Variants in LDLRAD4 observed in about 807,000 individuals in gnomAD.
LDLRAD4 encodes low-density lipoprotein receptor class A domain-containing protein 4.
In LDLRAD4, 5 loss-of-function variants were observed where a neutral mutation model predicts 17.0. The observed-to-expected ratio is 0.29, with a 90% CI of 0.15 to 0.62. The LOEUF is 0.62. Ranked by LOEUF, LDLRAD4 falls within the 20% of genes least tolerant of loss-of-function variation. The pLI is 0.84. For synonymous variants in LDLRAD4, 168 were observed against 171.8 expected (o/e 0.98, Z 0.17); for missense variants, 340 against 424.7 (o/e 0.80, Z 1.75).
rs1200042823 is a variant in LDLRAD4, at chr18:13,290,235, AAG to A, written c.-383+12050_-383+12051del. On this transcript the variant is annotated intron_variant, in intron 1 of 5. Transcript: ENST00000359446. ...CTCAGTGCCTTGATCCTTGAAGAGG[AAG>A]AGGGGCTGGGGATTCCTTCCTGTCC... Among the ~76,000 whole-genome samples the A allele has an allele frequency of 5.3e-5, 8 of 152,304 alleles. No individual in the cohort carries two copies. The East Asian group carries it at 1.5e-3, about 29-fold the overall frequency.
chr18:13,458,504 G>A (rs1600477508), intron 3 of LDLRAD4, among the ~76,000 whole-genome samples: 2 of 152,174 alleles, frequency 1.3e-5, no homozygotes, highest in South Asian at 4.1e-4. Flanking sequence ...GCAACTCTGC[G>A]CCTATTTTGA....
At chr18:13,376,676 G>C (rs1446753927) in intron 1 of LDLRAD4, among the ~76,000 whole-genome samples, 1 of 152,182 alleles carries the variant, frequency 6.6e-6, no homozygotes, top group Non-Finnish European at 1.5e-5. Context: ...TGCTGTGGAA[G>C]ACTGCTCTAT....
intron 1 of LDLRAD4, among the ~76,000 whole-genome samples, chr18:13,242,745 G>A (rs139508322): frequency 6.6e-6 from 1 of 152,290 alleles, no homozygotes; most frequent in Admixed American, 6.5e-5. Context: ...TAACCATCAC[G>A]TCAATAGGGT....
chr18:13,545,443 A>G (rs1338792363), intron 3 of LDLRAD4, among the ~76,000 whole-genome samples: 1 of 152,124 alleles, frequency 6.6e-6, no homozygotes, highest in African/African-American at 2.4e-5. Context: ...ATGATCAAAT[A>G]TGAAGTTTGC....
chr18:13,418,322 C>G (rs1351433724), intron 2 of LDLRAD4, among the ~76,000 whole-genome samples: 7 of 152,242 alleles, frequency 4.6e-5, no homozygotes, highest in Non-Finnish European at 8.8e-5. Flanking sequence ...TTATAGGGAG[C>G]CTCTCATGGT....
intron 1 of LDLRAD4, among the ~76,000 whole-genome samples, chr18:13,231,654 C>G (rs938132611): frequency 3.9e-5 from 6 of 152,180 alleles, no homozygotes; most frequent in African/African-American, 1.4e-4. Context: ...ATTCAGTTCA[C>G]GACAGGAAGC....
At chr18:13,229,882 T>A (rs2041987791) in intron 1 of LDLRAD4, among the ~76,000 whole-genome samples, 1 of 152,228 alleles carries the variant, frequency 6.6e-6, no homozygotes, top group African/African-American at 2.4e-5. Flanking sequence ...GAGGAAGATG[T>A]GAGTAGACCT....
chr18:13,575,354 C>G lies in LDLRAD4; in HGVS notation c.182-45763C>G, dbSNP rs562352139. Among the ~76,000 whole-genome samples the G allele has an allele frequency of 1.1e-3, 161 of 152,324 alleles. 1 individual carries two copies. The highest frequency in any genetic ancestry group is 3.6e-3 in the African/African-American group (150 of 41,558). ...GGTTTTCCATTCCTGAGTTACTTCA[C>G]TTAGAATAATAGTCTCCATCCAGGT... On this transcript the variant is annotated intron_variant, in intron 3 of 5. Transcript: ENST00000359446.
At chr18:13,448,780 A>G (rs62085727) in intron 3 of LDLRAD4, among the ~76,000 whole-genome samples, 12,020 of 152,214 alleles carry the variant, frequency 0.079, 529 homozygotes, top group South Asian at 0.19. Flanking sequence ...CCAAAAGGGT[A>G]CTACGGTGAA....
intron 1 of LDLRAD4, among the ~76,000 whole-genome samples, chr18:13,321,931 A>G (rs2081268485): frequency 7.1e-6 from 1 of 141,678 alleles, no homozygotes; most frequent in Non-Finnish European, 1.5e-5. Context: ...AAGAATAAAC[A>G]CACAGACTTA....
chr18:13,503,183 G>T (rs911295813), intron 3 of LDLRAD4, among the ~76,000 whole-genome samples: 1 of 152,216 alleles, frequency 6.6e-6, no homozygotes, highest in Non-Finnish European at 1.5e-5. Flanking sequence ...GGCATTTAAC[G>T]TTTTAAGCTT....
intron 3 of LDLRAD4, among the ~76,000 whole-genome samples, chr18:13,468,847 T>A (rs2092694072): frequency 9.2e-6 from 1 of 108,964 alleles, no homozygotes; most frequent in Non-Finnish European, 1.8e-5. Flanking sequence ...CCGGGGCCTG[T>A]TGTGGGGTGG....
chr18:13,331,523 G>C (rs546273999), intron 1 of LDLRAD4, among the ~76,000 whole-genome samples: 1 of 152,342 alleles, frequency 6.6e-6, no homozygotes, highest in African/African-American at 2.4e-5. Flanking sequence ...CCAGTGCAGC[G>C]TTAAAATACG....
intron 4 of LDLRAD4, among the ~76,000 whole-genome samples, chr18:13,627,227 C>CT (rs2041252268): frequency 6.6e-6 from 1 of 152,182 alleles, no homozygotes; most frequent in African/African-American, 2.4e-5. Flanking sequence ...CGCCATTGCA[C>CT]TCCAGCCTGG....
intron 1 of LDLRAD4, among the ~76,000 whole-genome samples, chr18:13,233,774 C>T (rs1189781481): frequency 6.6e-6 from 1 of 152,030 alleles, no homozygotes; most frequent in Admixed American, 6.6e-5. Context: ...GGACCTCGGC[C>T]CAGAACTCCA....
At chr18:13,266,532 C>T (rs1222977386) in intron 1 of LDLRAD4, among the ~76,000 whole-genome samples, 2 of 152,252 alleles carry the variant, frequency 1.3e-5, no homozygotes, top group Non-Finnish European at 1.5e-5. Flanking sequence ...TCTCTGGTGG[C>T]TGCCTTCTCC....
At chr18:13,545,581 A>G (rs1481241959) in intron 3 of LDLRAD4, among the ~76,000 whole-genome samples, 1 of 152,128 alleles carries the variant, frequency 6.6e-6, no homozygotes, top group African/African-American at 2.4e-5. Flanking sequence ...GGCCAGCAGT[A>G]GCTCTGGTTA....
At chr18:13,450,883 G>A (rs902254353) in intron 3 of LDLRAD4, among the ~76,000 whole-genome samples, 7 of 152,316 alleles carry the variant, frequency 4.6e-5, no homozygotes, top group Non-Finnish European at 8.8e-5. Flanking sequence ...AGCTTGCGGG[G>A]AGGGGAGGGC....
intron 2 of LDLRAD4, among the ~76,000 whole-genome samples, chr18:13,393,933 C>T (rs2086466174): frequency 6.6e-6 from 1 of 152,228 alleles, no homozygotes; most frequent in Non-Finnish European, 1.5e-5. Context: ...CCACCTTCCT[C>T]TCCATCTTCA....
Sources: allele counts gnomAD v4.1 joint callset (sites outside exome capture counted in the v4.1 genomes callset), GRCh38; gene constraint gnomAD v4.1.1; transcripts MANE v1.5; gene names NCBI Gene and HGNC (gene_info 2026-07-23, HGNC 2026-07-21).